CNTNAP4: variants seen among roughly 807,000 people sequenced by gnomAD.
CNTNAP4 encodes the protein contactin associated protein family member 4.
CNTNAP4 carries 98 observed loss-of-function variants against 148.4 expected under a neutral mutation model. The observed-to-expected ratio is 0.66, with a 90% CI of 0.56 to 0.78. The LOEUF (loss-of-function observed/expected upper bound fraction) is 0.78. Ranked by LOEUF, CNTNAP4 falls within the 30% of genes least tolerant of loss-of-function variation. The probability of loss-of-function intolerance (pLI) is 0.00; values close to 1 mark genes in which losing one functional copy is unlikely to be tolerated. For missense variants in CNTNAP4, 1,935 were observed against 1,565.6 expected (o/e 1.24, Z -3.98); for synonymous variants, 730 against 565.1 (o/e 1.29, Z -4.14).
intron 10 of CNTNAP4, among the ~76,000 whole-genome samples, chr16:76,471,365 T>C (rs6564345): frequency 0.087 from 13,246 of 152,226 alleles, 1,740 homozygotes; most frequent in African/African-American, 0.29. Flanking sequence ...GGAAATTGTT[T>C]AGTATATCAT....
Position 76,540,761 on chromosome 16 carries a change from T to G in CNTNAP4, c.3413T>G (p.Val1138Gly). Residue 1138 changes from valine (V) to glycine (G), a missense_variant, in exon 21 of 24, where the codon GTC becomes GGC. Coordinates refer to ENST00000611870, the MANE Select transcript of CNTNAP4 (RefSeq NM_033401.5). ...HLSSGTEFSA[V>G]KSLVLGRILE... The stretch of plus-strand genomic sequence containing the variant: ...TCATCAGGCACAGAATTCAGTGCAG[T>G]CAAATCTCTGGTATTGGGCAGGATT... The G allele has an allele frequency of 1.3e-6, 2 of 1,575,944 alleles. No individual in the cohort carries two copies. The highest frequency in any genetic ancestry group is 8.6e-7 in the Non-Finnish European group (1 of 1,158,812).
chr16:76,500,158 C>G (rs551815637), intron 15 of CNTNAP4, among the ~76,000 whole-genome samples: 1 of 152,218 alleles, frequency 6.6e-6, no homozygotes, highest in South Asian at 2.1e-4. Context: ...CCCCCACCTC[C>G]CAGACGGGGT....
intron 2 of CNTNAP4, among the ~76,000 whole-genome samples, chr16:76,331,786 C>G (rs957591657): frequency 1.3e-5 from 2 of 152,084 alleles, no homozygotes; most frequent in Non-Finnish European, 2.9e-5. Flanking sequence ...ATAAAACTTT[C>G]TTTTGTGTTT....
intron 21 of CNTNAP4, among the ~76,000 whole-genome samples, chr16:76,550,067 C>A (rs1361376500): frequency 6.6e-6 from 1 of 152,138 alleles, no homozygotes; most frequent in African/African-American, 2.4e-5. Context: ...AGAAGTAATA[C>A]AGCCAGAAGA....
At chr16:76,285,642 AG>A in intron 1 of CNTNAP4, among the ~76,000 whole-genome samples, 1 of 152,128 alleles carries the variant, frequency 6.6e-6, no homozygotes, top group South Asian at 2.1e-4. Context: ...TTACTTTAAA[AG>A]CACCATGTAA....
chr16:76,406,034 G>A (rs116346208), intron 3 of CNTNAP4, among the ~76,000 whole-genome samples: 6,445 of 152,006 alleles, frequency 0.042, 487 homozygotes, highest in African/African-American at 0.15. Context: ...TGAGCAACAT[G>A]GTGAAACTAT....
At chr16:76,299,315 C>G (rs994538484) in intron 1 of CNTNAP4, among the ~76,000 whole-genome samples, 1 of 152,020 alleles carries the variant, frequency 6.6e-6, no homozygotes, top group African/African-American at 2.4e-5. Context: ...AAAAACAACC[C>G]CATCAACAAA....
rs71134761 is a variant in CNTNAP4, at chr16:76,451,599, ATGTGTG to A, written c.1072-879_1072-874del. 2.4e-3 allele frequency among the ~76,000 whole-genome samples: 339 copies of A among 141,354 alleles called. 3 individuals are homozygous for A. The East Asian group carries it at 0.03, about 12-fold the overall frequency. 92.7% of individuals were successfully genotyped at this position (141,354 alleles called of 152,430 possible). On this transcript the variant is annotated intron_variant, in intron 7 of 23. Coordinates refer to ENST00000611870, the MANE Select transcript of CNTNAP4 (RefSeq NM_033401.5). Reference sequence around the variant, plus strand: ...ATAAAAATAAAAATATTTTAGATAGATGTGTGTGTGTGTGTGTGTGTGTGTGTGTGT... The same window carrying A: ...ATAAAAATAAAAATATTTTAGATAGATGTGTGTGTGTGTGTGTGTGTGTGT...
intron 15 of CNTNAP4, among the ~76,000 whole-genome samples, chr16:76,510,676 G>A (rs542409030): frequency 2.0e-5 from 3 of 152,076 alleles, no homozygotes; most frequent in Non-Finnish European, 4.4e-5. Flanking sequence ...TGTCTTTTTA[G>A]TTGACTGTAT....
intron 3 of CNTNAP4, among the ~76,000 whole-genome samples, chr16:76,402,732 G>A (rs879611853): frequency 1.3e-5 from 2 of 152,048 alleles, no homozygotes; most frequent in East Asian, 1.9e-4. Flanking sequence ...CAGAGATTCT[G>A]GTAGGTCGTA....
At chr16:76,552,264 C>T (rs1202817978) in intron 21 of CNTNAP4, among the ~76,000 whole-genome samples, 1 of 152,126 alleles carries the variant, frequency 6.6e-6, no homozygotes, top group African/African-American at 2.4e-5. Context: ...CCCACAGGGT[C>T]CCTCCCTTGA....
At chr16:76,491,155 G>A (rs903977468) in intron 13 of CNTNAP4, among the ~76,000 whole-genome samples, 6 of 151,664 alleles carry the variant, frequency 4.0e-5, no homozygotes, top group Middle Eastern at 3.2e-3. Context: ...TCTCCTCCTC[G>A]TTTTCCTTTT....
In CNTNAP4 at chr16:76,288,705, C is replaced by A. The variant is rs183080142; in HGVS notation, c.85+10958C>A. 1.2e-3 allele frequency among the ~76,000 whole-genome samples: 190 copies of A among 152,238 alleles called. 2 individuals carry two copies. The highest frequency in any genetic ancestry group is 4.4e-3 in the African/African-American group (184 of 41,524). ...ATTATGTTAATCACTTCAGTATCTG[C>A]AACATCTAGCACAGTGCCTGGAATA... On this transcript the variant is annotated intron_variant, in intron 1 of 23. Transcript: ENST00000611870.
chr16:76,313,106 C>T (rs1324254171), intron 1 of CNTNAP4, among the ~76,000 whole-genome samples: 2 of 152,102 alleles, frequency 1.3e-5, no homozygotes, highest in African/African-American at 2.4e-5. Flanking sequence ...TTTCTCCCCA[C>T]GAATGTAAAA....
At chr16:76,352,114 A>T (rs1237217089) in intron 2 of CNTNAP4, among the ~76,000 whole-genome samples, 2 of 152,164 alleles carry the variant, frequency 1.3e-5, no homozygotes, top group African/African-American at 4.8e-5. Flanking sequence ...GGGGCATTTC[A>T]TTCACCCTTT....
chr16:76,420,280 A>ATGTATATTCTGTAGAATATAT (rs1330005955), intron 3 of CNTNAP4, among the ~76,000 whole-genome samples: 2 of 73,952 alleles, frequency 2.7e-5, no homozygotes, highest in East Asian at 4.4e-4. Flanking sequence ...ATAGGAGATA[A>ATGTATATTCTGTAGAATATAT]ATATTAATTT....
At chr16:76,515,993 T>C (rs2083233314) in intron 15 of CNTNAP4, among the ~76,000 whole-genome samples, 2 of 152,158 alleles carry the variant, frequency 1.3e-5, no homozygotes, top group African/African-American at 4.8e-5. Flanking sequence ...GTCACATAGG[T>C]GTGTATGTGC....
intron 17 of CNTNAP4, among the ~76,000 whole-genome samples, chr16:76,535,087 C>T (rs1316309962): frequency 6.6e-6 from 1 of 152,136 alleles, no homozygotes; most frequent in Non-Finnish European, 1.5e-5. Context: ...AGGACCATAT[C>T]AATGCACCAT....
intron 12 of CNTNAP4, among the ~76,000 whole-genome samples, chr16:76,484,181 G>T (rs555620405): frequency 6.9e-6 from 1 of 144,082 alleles, no homozygotes; most frequent in Non-Finnish European, 1.5e-5. Context: ...ATGTGTGTGT[G>T]GGGAAAGAGA....
Sources: allele counts gnomAD v4.1 joint callset (sites outside exome capture counted in the v4.1 genomes callset), GRCh38; gene constraint gnomAD v4.1.1; transcripts MANE v1.5; gene names NCBI Gene and HGNC (gene_info 2026-07-23, HGNC 2026-07-21).